The following ROBO2 variants were observed in gnomAD, a reference collection of about 807,000 sequenced individuals.
ROBO2 encodes roundabout homolog 2.
A neutral mutation model predicts 160.8 loss-of-function variants in ROBO2; 53 were observed. The ratio of observed to expected loss-of-function variants is 0.33; its 90% confidence interval spans 0.26 to 0.41. The LOEUF (loss-of-function observed/expected upper bound fraction) is 0.41, where lower values mean the gene tolerates loss of function less well. Among genes scored for constraint, ROBO2 ranks in the 10% least tolerant of loss-of-function variants. The pLI is 1.00. For missense variants in ROBO2, 1,577 were observed against 1,722.4 expected (o/e 0.92, Z 1.49); for synonymous variants, 664 against 611.7 (o/e 1.09, Z -1.26).
chr3:75,983,459 G>A (rs1212513477), intron 2 of ROBO2, among the ~76,000 whole-genome samples: 1 of 151,348 alleles, frequency 6.6e-6, no homozygotes, highest in Non-Finnish European at 1.5e-5. Flanking sequence ...CTTATGTGGT[G>A]TACGTTTCTC....
At chr3:77,624,791 T>C (rs1326155511) in intron 23 of ROBO2, among the ~76,000 whole-genome samples, 5 of 152,172 alleles carry the variant, frequency 3.3e-5, no homozygotes, top group Admixed American at 3.3e-4. Flanking sequence ...ATGAAACTAA[T>C]GACCATTTTA....
chr3:77,062,409 A>T (rs1003130144), intron 1 of ROBO2, among the ~76,000 whole-genome samples: 8 of 152,142 alleles, frequency 5.3e-5, no homozygotes, highest in Non-Finnish European at 7.3e-5. Context: ...TCAGATTTTT[A>T]AAAAATACTC....
intron 17 of ROBO2, among the ~76,000 whole-genome samples, chr3:77,592,260 G>A (rs2094198399): frequency 6.6e-6 from 1 of 151,924 alleles, no homozygotes; most frequent in African/African-American, 2.4e-5. Flanking sequence ...GTGAAGTTTT[G>A]CCTTTGTATA....
chr3:76,515,059 C>T (rs2081282487), intron 2 of ROBO2, among the ~76,000 whole-genome samples: 2 of 152,122 alleles, frequency 1.3e-5, no homozygotes, highest in African/African-American at 2.4e-5. Flanking sequence ...CAGAATTGCC[C>T]TGTGCTGTTT....
At chr3:76,139,505 ATC>A (rs1207970763) in intron 2 of ROBO2, among the ~76,000 whole-genome samples, 1 of 152,028 alleles carries the variant, frequency 6.6e-6, no homozygotes, top group Non-Finnish European at 1.5e-5. Context: ...TTATCTTTGT[ATC>A]TTGAGCTTGC....
intron 2 of ROBO2, among the ~76,000 whole-genome samples, chr3:77,474,691 C>CACACAT (rs1553973682): frequency 0.05 from 7,499 of 150,776 alleles, 222 homozygotes; most frequent in Middle Eastern, 0.068. Flanking sequence ...CACACACACA[C>CACACAT]TCAATTTAGA....
intron 2 of ROBO2, among the ~76,000 whole-genome samples, chr3:76,981,652 T>A (rs2060105281): frequency 3.3e-5 from 5 of 152,222 alleles, no homozygotes; most frequent in Admixed American, 3.3e-4. Flanking sequence ...CTTGCATTGC[T>A]ATAAAGAAAT....
chr3:76,506,879 A>G (rs1235287166), intron 2 of ROBO2, among the ~76,000 whole-genome samples: 1 of 152,200 alleles, frequency 6.6e-6, no homozygotes, highest in East Asian at 1.9e-4. Flanking sequence ...TCCTTAAAAT[A>G]TACCTAAAAA....
intron 2 of ROBO2, among the ~76,000 whole-genome samples, chr3:76,540,670 T>A (rs528355115): frequency 1.3e-5 from 2 of 152,342 alleles, no homozygotes; most frequent in East Asian, 3.9e-4. Flanking sequence ...TATTCTTCCC[T>A]TGTCATTTGC....
At chr3:76,753,709 C>G (rs1412763123) in intron 2 of ROBO2, among the ~76,000 whole-genome samples, 1 of 151,730 alleles carries the variant, frequency 6.6e-6, no homozygotes, top group Non-Finnish European at 1.5e-5. Flanking sequence ...ACAGAACGCT[C>G]CAATATTTTC....
At chr3:75,988,502 T>G (rs2107495283) in intron 2 of ROBO2, among the ~76,000 whole-genome samples, 1 of 152,212 alleles carries the variant, frequency 6.6e-6, no homozygotes, top group East Asian at 1.9e-4. Context: ...TCTCTACTTT[T>G]TAAATTCTCT....
chr3:77,417,389 T>C (rs1342550881), intron 2 of ROBO2, among the ~76,000 whole-genome samples: 1 of 152,156 alleles, frequency 6.6e-6, no homozygotes, highest in Non-Finnish European at 1.5e-5. Flanking sequence ...TGTGATTAAG[T>C]AATACAGCAT....
intron 2 of ROBO2, among the ~76,000 whole-genome samples, chr3:77,331,081 AT>A (rs1278389970): frequency 1.3e-5 from 2 of 152,222 alleles, no homozygotes; most frequent in Non-Finnish European, 2.9e-5. Flanking sequence ...GCCCTGAGGC[AT>A]TAATCATACA....
At chr3:76,541,443 A>AT (rs557414468) in intron 2 of ROBO2, among the ~76,000 whole-genome samples, 80 of 152,022 alleles carry the variant, frequency 5.3e-4, no homozygotes, top group African/African-American at 1.7e-3. Context: ...CCTAAGATGT[A>AT]TTTTTTTTAA....
intron 2 of ROBO2, among the ~76,000 whole-genome samples, chr3:77,000,579 G>T (rs948011015): frequency 1.5e-5 from 2 of 129,590 alleles, no homozygotes; most frequent in African/African-American, 6.3e-5. Context: ...GCATTTTCAT[G>T]ACTTTTTTTC....
At chr3:75,948,990 G>A (rs547769385) in intron 2 of ROBO2, among the ~76,000 whole-genome samples, 21 of 152,118 alleles carry the variant, frequency 1.4e-4, no homozygotes, top group African/African-American at 4.6e-4. Flanking sequence ...TTGAAATAAT[G>A]CACCCTGAGG....
At chr3:77,566,733 C>T (rs185595421) in intron 12 of ROBO2, among the ~76,000 whole-genome samples, 66 of 152,062 alleles carry the variant, frequency 4.3e-4, no homozygotes, top group Middle Eastern at 3.4e-3. Flanking sequence ...TGGTTTGTTC[C>T]AATGGAAAGA....
chr3:77,623,572 A>C (rs999882139), intron 23 of ROBO2, among the ~76,000 whole-genome samples: 1 of 152,160 alleles, frequency 6.6e-6, no homozygotes, highest in Non-Finnish European at 1.5e-5. Context: ...CTTCTTATCC[A>C]GGGGCTGGTC....
intron 23 of ROBO2, chr3:77,633,181 T>C (rs2095201847): frequency 6.6e-6 from 1 of 152,218 alleles, no homozygotes; most frequent in African/African-American, 2.4e-5. Flanking sequence ...AAGATTTTAA[T>C]ACAATAATTT....
Sources: gnomAD v4.1 joint callset for allele counts (sites outside exome capture counted in the v4.1 genomes callset) on GRCh38, gnomAD v4.1.1 for gene constraint, MANE v1.5 for transcripts, NCBI Gene and HGNC (gene_info 2026-07-23, HGNC 2026-07-21) for gene names.